Variants in MYZAP observed in about 807,000 individuals in gnomAD.
MYZAP encodes the protein GRINL1A complex locus upstream.
MYZAP carries 66 observed loss-of-function variants against 69.4 expected under a neutral mutation model. That is an observed-to-expected ratio of 0.95 (90% CI 0.78 to 1.17). The LOEUF is 1.17. Among genes scored for constraint, MYZAP ranks in the 50% most tolerant of loss-of-function variants. MYZAP has a pLI of 0.00. For synonymous variants in MYZAP, 256 were observed against 205.9 expected, an observed-to-expected ratio of 1.24 and a Z score of -2.09; for missense variants, 611 against 556.2, an observed-to-expected ratio of 1.10 and a Z score of -0.99.
In MYZAP at chr15:57,664,358, C is replaced by A. The variant is rs188069892; in HGVS notation, c.1203+2825C>A. On this transcript the variant is annotated intron_variant, in intron 11 of 12. Coordinates refer to ENST00000267853, the MANE Select transcript of MYZAP (RefSeq NM_001018100.5). ...TATGCATTCTTTATCAATATTTCAT[C>A]ATACATAGCTAGGCCATGTAGAGAT... is the stretch of plus-strand genomic sequence containing the variant. Among the ~76,000 whole-genome samples the A allele has an allele frequency of 1.1e-4, 17 of 152,300 alleles. 1 individual carries two copies. Among genetic ancestry groups the A allele is most frequent in the Admixed American group, 9.1e-4 (14 of 15,302 alleles).
chr15:57,615,573 T>G (rs937252), intron 2 of MYZAP, among the ~76,000 whole-genome samples: 63,239 of 152,098 alleles, frequency 0.42, 13,390 homozygotes, highest in East Asian at 0.56. Flanking sequence ...AGCCTTGTGT[T>G]GTCATTGGCT....
intron 12 of MYZAP, among the ~76,000 whole-genome samples, chr15:57,683,473 C>T (rs1174722829): frequency 2.0e-5 from 3 of 152,152 alleles, no homozygotes; most frequent in Non-Finnish European, 4.4e-5. Context: ...ATATCTTTCC[C>T]ACCAGGTGAC....
At chr15:57,676,599 T>C (rs1034993255) in intron 12 of MYZAP, among the ~76,000 whole-genome samples, 3 of 152,026 alleles carry the variant, frequency 2.0e-5, no homozygotes, top group Non-Finnish European at 4.4e-5. Flanking sequence ...TCCCCCCTTT[T>C]TGTATTTTTC....
intron 2 of MYZAP, among the ~76,000 whole-genome samples, chr15:57,606,556 G>A (rs995388328): frequency 2.1e-5 from 3 of 139,726 alleles, no homozygotes; most frequent in South Asian, 2.5e-4. Flanking sequence ...GAAGGGGAAC[G>A]TCACACTCTG....
rs1323468678 is a variant in MYZAP at position 57,684,423 on chromosome 15, A to C, written c.1326A>C (p.Glu442Asp). Residue 442 changes from glutamate to aspartate, a missense_variant, in exon 13 of 13, where the codon GAA (glutamate) becomes GAC (aspartate). Glu to Asp is a conservative substitution (Grantham distance 45). Transcript: ENST00000267853. Reference protein sequence around the residue: ...LLPSQTGRTREIVMPSRNYTP... With the variant: ...LLPSQTGRTRDIVMPSRNYTP... ...TCAGCCAAACAGGCAGGACTCGTGA[A>C]ATTGTGATGCCTTCTAGGAACTACA... is the stretch of plus-strand genomic sequence containing the variant. The C allele has an allele frequency of 6.2e-7, 1 of 1,613,054 alleles. No homozygotes were observed. Among genetic ancestry groups the C allele is most frequent in the Non-Finnish European group, 8.5e-7 (1 of 1,179,676 alleles).
intron 1 of MYZAP, among the ~76,000 whole-genome samples, chr15:57,592,507 C>A (rs2033740077): frequency 6.6e-6 from 1 of 152,104 alleles, no homozygotes; most frequent in Non-Finnish European, 1.5e-5. Context: ...AAGATGGGGT[C>A]ACTTGTGTCC....
intron 12 of MYZAP, among the ~76,000 whole-genome samples, chr15:57,676,420 G>GTATA (rs1264217621): frequency 3.0e-5 from 1 of 33,236 alleles, no homozygotes; most frequent in African/African-American, 5.6e-5. Context: ...GTATATATAT[G>GTATA]TGTATATATA....
chr15:57,648,935 C>CTG (rs1350996788), intron 10 of MYZAP, among the ~76,000 whole-genome samples: 3 of 150,514 alleles, frequency 2.0e-5, no homozygotes, highest in Admixed American at 6.6e-5. Context: ...GATGATTTTA[C>CTG]TGTGTATATA....
At chr15:57,638,716 T>A (rs142951768) in intron 9 of MYZAP, among the ~76,000 whole-genome samples, 5 of 152,304 alleles carry the variant, frequency 3.3e-5, no homozygotes, top group African/African-American at 1.2e-4. Context: ...TGGCTTGCTC[T>A]GTTTGGATGT....
intron 8 of MYZAP, among the ~76,000 whole-genome samples, chr15:57,634,843 G>A (rs2036720042): frequency 6.6e-6 from 1 of 152,186 alleles, no homozygotes; most frequent in Non-Finnish European, 1.5e-5. Flanking sequence ...TAGGTGATTG[G>A]CTTAGTCAGG....
intron 4 of MYZAP, 22 bp downstream of exon 4, chr15:57,621,722 T>C: frequency 6.2e-7 from 1 of 1,611,548 alleles, no homozygotes; most frequent in Admixed American, 1.7e-5. Context: ...TCTCAGTTGC[T>C]TGGAGATAGG....
intron 10 of MYZAP, chr15:57,647,569 GGGT>G: frequency 1.0e-6 from 1 of 985,438 alleles, no homozygotes; most frequent in Non-Finnish European, 1.2e-6. Flanking sequence ...CCTGCTTTCA[GGGT>G]GGTGTGCTTT....
rs74767172 is a variant in MYZAP at position 57,680,227 on chromosome 15, C to T, written c.1305-4175C>T. Among the ~76,000 whole-genome samples, 288 of 152,254 alleles carry T rather than the reference C, an allele frequency of 1.9e-3. 3 individuals carry two copies. Among genetic ancestry groups the T allele is most frequent in the Admixed American group, 3.4e-3 (52 of 15,282 alleles). ...TCTGAGTCAGAGAATTATTTTGCTC[C>T]TTGACTCACTCACTCATACTGTGCT... is the stretch of plus-strand genomic sequence containing the variant. On this transcript the variant is annotated intron_variant, in intron 12 of 12. Transcript: ENST00000267853.
At chr15:57,625,687 G>A (rs2036089101) in intron 4 of MYZAP, 92 bp from the exon 5 acceptor site, 2 of 1,108,800 alleles carry the variant, frequency 1.8e-6, no homozygotes, top group Admixed American at 3.6e-5. Context: ...AAGTAGATGT[G>A]GCTTCTAACA....
chr15:57,647,326 C>T, intron 10 of MYZAP: 4 of 985,426 alleles, frequency 4.1e-6, no homozygotes, highest in Non-Finnish European at 4.8e-6. Context: ...GGTATTCAGA[C>T]TTCCACTAGG....
chr15:57,624,191 T>A (rs1342772149), intron 4 of MYZAP, among the ~76,000 whole-genome samples: 3 of 152,216 alleles, frequency 2.0e-5, no homozygotes, highest in Admixed American at 6.5e-5. Flanking sequence ...TTTAAAAAAA[T>A]TTATTATTAA....
intron 11 of MYZAP, among the ~76,000 whole-genome samples, chr15:57,669,112 C>T (rs1357728872): frequency 1.3e-5 from 2 of 152,104 alleles, no homozygotes; most frequent in African/African-American, 4.8e-5. Flanking sequence ...TGGTCTCGAA[C>T]TCCTGAGCTC....
In MYZAP at chr15:57,685,303, A is replaced by G. The variant is rs1595955608; in HGVS notation, c.*805A>G. On this transcript the variant is annotated 3_prime_UTR_variant, in exon 13 of 13. Transcript: ENST00000267853. ...TGAATCATCTGTTCATGCATGCTCTACTTTGATATTATAACCTATGTCACA... is the reference window on the plus strand; with the variant it reads ...TGAATCATCTGTTCATGCATGCTCTGCTTTGATATTATAACCTATGTCACA... The G allele has an allele frequency of 6.6e-6, 1 of 152,160 alleles. No homozygotes were observed. The highest frequency in any genetic ancestry group is 1.9e-4 in the East Asian group (1 of 5,206). 9.4% of individuals were successfully genotyped at this position (152,160 alleles called of 1,614,324 possible). A position where few individuals can be genotyped will look rare whatever the true frequency, so the allele number is the denominator to read the frequency against.
chr15:57,654,988 A>G (rs16977635), intron 10 of MYZAP, among the ~76,000 whole-genome samples: 9,971 of 152,022 alleles, frequency 0.066, 760 homozygotes, highest in East Asian at 0.31. Flanking sequence ...TTTATATGAG[A>G]TAATTGATGC....
Sources: allele counts gnomAD v4.1 joint callset (sites outside exome capture counted in the v4.1 genomes callset), GRCh38; gene constraint gnomAD v4.1.1; transcripts MANE v1.5; gene names NCBI Gene and HGNC (gene_info 2026-07-23, HGNC 2026-07-21).